RAB11FIP3: variants seen among roughly 807,000 people sequenced by gnomAD.
RAB11FIP3 encodes rab11 family-interacting protein 3.
Under a neutral mutation model 77.8 loss-of-function variants are expected in RAB11FIP3, and 17 were observed. The observed-to-expected ratio is 0.22, with a 90% CI of 0.15 to 0.33. The LOEUF (loss-of-function observed/expected upper bound fraction) is 0.33, where lower values mean the gene tolerates loss of function less well. Among genes scored for constraint, RAB11FIP3 ranks in the 10% least tolerant of loss-of-function variants. RAB11FIP3 has a pLI of 1.00. For missense variants in RAB11FIP3, 1,005 were observed against 1,011.2 expected (o/e 0.99, Z 0.08); for synonymous variants, 437 against 448.2 (o/e 0.98, Z 0.31).
At chr16:520,674 C>G (rs1397307012) in intron 13 of RAB11FIP3, 52 bp from the exon 14 acceptor site, 14 of 1,611,624 alleles carry the variant, frequency 8.7e-6, no homozygotes. Flanking sequence ...GGTTTATGCG[C>G]TGTGGCCTGT....
chr16:470,845 G>A (rs994407090), intron 2 of RAB11FIP3, among the ~76,000 whole-genome samples: 15 of 152,160 alleles, frequency 9.9e-5, no homozygotes, highest in African/African-American at 3.1e-4. Context: ...CAGCACCCAG[G>A]AAAAGATGTT....
intron 8 of RAB11FIP3, among the ~76,000 whole-genome samples, chr16:509,408 G>T (rs950927093): frequency 6.6e-6 from 1 of 152,230 alleles, no homozygotes; most frequent in Non-Finnish European, 1.5e-5. Flanking sequence ...ACTTCCTGTT[G>T]AAAGCTTTCC....
chr16:444,463 G>A (rs1339552688), intron 1 of RAB11FIP3, among the ~76,000 whole-genome samples: 1 of 152,204 alleles, frequency 6.6e-6, no homozygotes, highest in African/African-American at 2.4e-5. Context: ...ACTGATAGCT[G>A]TTCGGCCTGC....
intron 3 of RAB11FIP3, chr16:474,774 T>G (rs945677456): frequency 2.2e-6 from 3 of 1,367,202 alleles, no homozygotes; most frequent in Admixed American, 3.1e-5. Context: ...CCTGACTGAC[T>G]AACCGTTTTT....
rs1303631382 is a variant in RAB11FIP3, at chr16:521,483, A to G, written c.*644A>G. 1 of 153,686 alleles carries G rather than the reference A, an allele frequency of 6.5e-6. No individual in the cohort carries two copies. Among genetic ancestry groups the G allele is most frequent in the Non-Finnish European group, 1.4e-5 (1 of 69,022 alleles). 9.5% of individuals were successfully genotyped at this position (153,686 alleles called of 1,614,324 possible). On this transcript the variant is annotated 3_prime_UTR_variant, in exon 14 of 14. Coordinates refer to ENST00000262305, the MANE Select transcript of RAB11FIP3 (RefSeq NM_014700.4). ...ACGCTGCTCGGGCCATTGCCCAGCC[A>G]GATGTGGTCACCTCAGTCCAGCTCT...
chr16:484,342 T>C (rs890616334), intron 4 of RAB11FIP3, among the ~76,000 whole-genome samples: 30 of 151,244 alleles, frequency 2.0e-4, no homozygotes, highest in African/African-American at 5.4e-4. Context: ...GCTGTTGCGC[T>C]TGTGGATTTA....
intron 9 of RAB11FIP3, 29 bp from the exon 10 acceptor site, chr16:518,910 GGAGT>G: frequency 6.2e-7 from 1 of 1,610,386 alleles, no homozygotes; most frequent in Non-Finnish European, 8.5e-7. Context: ...CGAGCTTCCT[GGAGT>G]GAGTTTCAGC....
At chr16:517,055 G>T (rs146416873) in intron 9 of RAB11FIP3, among the ~76,000 whole-genome samples, 9 of 152,184 alleles carry the variant, frequency 5.9e-5, no homozygotes, top group Non-Finnish European at 1.0e-4. Context: ...TCAGAAAGCC[G>T]TGCGGACGTC....
intron 4 of RAB11FIP3, among the ~76,000 whole-genome samples, chr16:486,047 G>A (rs965292759): frequency 3.3e-5 from 5 of 152,138 alleles, no homozygotes; most frequent in African/African-American, 7.2e-5. Flanking sequence ...GACTACTGGC[G>A]CCCGCCACCA....
At chr16:496,618 G>T (rs181848911) in intron 5 of RAB11FIP3, among the ~76,000 whole-genome samples, 3 of 152,226 alleles carry the variant, frequency 2.0e-5, no homozygotes, top group Non-Finnish European at 4.4e-5. Context: ...GTAACGAGAC[G>T]TATGCGGCCT....
intron 4 of RAB11FIP3, among the ~76,000 whole-genome samples, chr16:487,223 C>T (rs1308774422): frequency 1.3e-5 from 2 of 151,946 alleles, no homozygotes; most frequent in African/African-American, 4.8e-5. Context: ...CTCCGCCTCC[C>T]AGGTTCACAC....
rs2054935069 is a variant in RAB11FIP3 at position 426,081 on chromosome 16, C to T, written c.75C>T (p.Asp25=). ...PGPDPEPGGP[D]GPGAAQLAPG... The stretch of plus-strand genomic sequence containing the variant: ...CCGACCCGGAGCCGGGCGGGCCGGA[C>T]GGGCCGGGGGCGGCACAACTGGCTC... The change falls in exon 1 of 14, where the codon GAC becomes GAT. Residue 25 remains aspartate (D), a synonymous_variant. Coordinates refer to ENST00000262305, the MANE Select transcript of RAB11FIP3 (RefSeq NM_014700.4). The surrounding 1 kb of genome is among the most constrained non-coding windows in gnomAD (Gnocchi z 5.0). The T allele has an allele frequency of 7.0e-6, 7 of 1,002,344 alleles. No individual in the cohort carries two copies. The highest frequency in any genetic ancestry group is 8.3e-6 in the Non-Finnish European group (7 of 842,676). The allele number at this position is 1,002,344 out of a possible 1,614,324, so 62.1% of individuals were successfully genotyped here.
At chr16:448,864 A>G (rs996739733) in intron 1 of RAB11FIP3, among the ~76,000 whole-genome samples, 1 of 151,900 alleles carries the variant, frequency 6.6e-6, no homozygotes, top group Non-Finnish European at 1.5e-5. Flanking sequence ...GCGGTGAGCC[A>G]AGATCGCACC....
chr16:432,937 G>T (rs371625331), intron 1 of RAB11FIP3, among the ~76,000 whole-genome samples: 9 of 143,948 alleles, frequency 6.3e-5, no homozygotes, highest in African/African-American at 2.3e-4. Context: ...AGAAATATTT[G>T]TACATATTCA....
chr16:482,553 T>C lies in RAB11FIP3; in HGVS notation c.932T>C (p.Met311Thr). 1 of 1,613,572 alleles carries C rather than the reference T, an allele frequency of 6.2e-7. No homozygotes were observed. Residue 311 changes from methionine (M) to threonine (T), a missense_variant, in exon 4 of 14, where the codon ATG (methionine) becomes ACG (threonine). By Grantham distance (81) the Met-to-Thr change is moderately conservative. Transcript: ENST00000262305. ...AACGAGGTGACGGACAGCGCGTACA[T>C]GGGCTCCGAGAGCACCTACAGTGAG... ...EANEVTDSAY[M>T]GSESTYSECE...
At chr16:470,169 A>G (rs1031869690) in intron 2 of RAB11FIP3, among the ~76,000 whole-genome samples, 2 of 151,544 alleles carry the variant, frequency 1.3e-5, no homozygotes, top group Admixed American at 6.6e-5. Flanking sequence ...GCTAATTTTT[A>G]CTATTTTTAG....
At chr16:519,920 TCCTGCGCCCAG>T in intron 11 of RAB11FIP3, 29 bp downstream of exon 11, 1 of 1,552,606 alleles carries the variant, frequency 6.4e-7, no homozygotes, top group Non-Finnish European at 8.7e-7. Flanking sequence ...CCACGCCCAG[TCCTGCGCCCAG>T]CCTGCCCCAC....
At chr16:510,182 C>T (rs1407501187) in intron 8 of RAB11FIP3, among the ~76,000 whole-genome samples, 1 of 149,786 alleles carries the variant, frequency 6.7e-6, no homozygotes, top group African/African-American at 2.5e-5. Flanking sequence ...TCCCGAGTCC[C>T]CGTGCCTCTG....
At chr16:443,965 C>T (rs952253583) in intron 1 of RAB11FIP3, among the ~76,000 whole-genome samples, 2 of 152,178 alleles carry the variant, frequency 1.3e-5, no homozygotes, top group African/African-American at 4.8e-5. Flanking sequence ...GGCATATCAA[C>T]GGAGTTTCAG....
Sources: gnomAD v4.1 joint callset for allele counts (sites outside exome capture counted in the v4.1 genomes callset) on GRCh38, gnomAD v4.1.1 for gene constraint, Gnocchi (gnomAD v3.1) non-coding constraint, MANE v1.5 for transcripts, NCBI Gene and HGNC (gene_info 2026-07-23, HGNC 2026-07-21) for gene names.